Variants in SEZ6L observed in about 807,000 individuals in gnomAD.
The protein encoded by SEZ6L is seizure related 6 homolog like.
SEZ6L carries 37 observed loss-of-function variants against 106.2 expected under a neutral mutation model. That is an observed-to-expected ratio of 0.35 (90% CI 0.27 to 0.46). SEZ6L has a LOEUF of 0.46. SEZ6L is among the 20% of genes least tolerant of loss of function. The probability of loss-of-function intolerance (pLI) is 1.00; values close to 1 mark genes in which losing one functional copy is unlikely to be tolerated. For missense variants in SEZ6L, 1,172 were observed against 1,332.8 expected, an observed-to-expected ratio of 0.88 and a Z score of 1.88; for synonymous variants, 541 against 570.4, an observed-to-expected ratio of 0.95 and a Z score of 0.73.
chr22:26,190,242 A>G (rs2145653836), intron 1 of SEZ6L, among the ~76,000 whole-genome samples: 1 of 152,350 alleles, frequency 6.6e-6, no homozygotes, highest in East Asian at 1.9e-4. Context: ...GTTACCACGA[A>G]ACAAATTTTC....
intron 1 of SEZ6L, among the ~76,000 whole-genome samples, chr22:26,254,253 G>A (rs1006962642): frequency 6.6e-6 from 1 of 152,042 alleles, no homozygotes; most frequent in Non-Finnish European, 1.5e-5. Flanking sequence ...TTCATTCCAG[G>A]GAATTTCTGC....
intron 9 of SEZ6L, among the ~76,000 whole-genome samples, chr22:26,314,638 G>A (rs190265848): frequency 6.6e-5 from 10 of 152,316 alleles, no homozygotes; most frequent in South Asian, 4.1e-4. Context: ...TTAGCTGTGC[G>A]GCTGGGTTTC....
chr22:26,241,572 C>G (rs561081215), intron 1 of SEZ6L, among the ~76,000 whole-genome samples: 1 of 152,290 alleles, frequency 6.6e-6, no homozygotes, highest in South Asian at 2.1e-4. Context: ...AGCAATTACA[C>G]GGCGAGTTTT....
chr22:26,296,691 C>G (rs2081310334), intron 3 of SEZ6L, among the ~76,000 whole-genome samples, 197 bp from the exon 4 acceptor site: 1 of 152,246 alleles, frequency 6.6e-6, no homozygotes, highest in Admixed American at 6.5e-5. Context: ...TTCACTCTAT[C>G]CCCTTGGCTT....
At chr22:26,262,420 G>A (rs1019081670) in intron 1 of SEZ6L, among the ~76,000 whole-genome samples, 1 of 152,136 alleles carries the variant, frequency 6.6e-6, no homozygotes, top group African/African-American at 2.4e-5. Flanking sequence ...TATTAATCCA[G>A]ATGTGATTAG....
chr22:26,285,629 G>T (rs747695599), intron 1 of SEZ6L, among the ~76,000 whole-genome samples: 1 of 152,184 alleles, frequency 6.6e-6, no homozygotes. Flanking sequence ...TTTGCTGCTG[G>T]CATCTAGTGG....
intron 1 of SEZ6L, among the ~76,000 whole-genome samples, chr22:26,211,959 G>T (rs893257196): frequency 1.3e-5 from 2 of 152,010 alleles, no homozygotes; most frequent in African/African-American, 4.8e-5. Context: ...AGAGGAATAT[G>T]GGGGCCATTC....
Position 26,203,959 on chromosome 22 carries a change from T to C in SEZ6L, c.94+34196T>C, listed in dbSNP as rs143488966. 3.0e-3 allele frequency among the ~76,000 whole-genome samples: 457 copies of C among 152,210 alleles called. 1 individual carries two copies. Among genetic ancestry groups the C allele is most frequent in the Non-Finnish European group, 5.5e-3 (373 of 68,012 alleles). On this transcript the variant is annotated intron_variant, in intron 1 of 16. Transcript: ENST00000248933. The stretch of plus-strand genomic sequence containing the variant: ...CCCTACATTTGATGAGGCAAGAGGG[T>C]TGTTACTGCCATGGCTTTGAATGGG...
intron 13 of SEZ6L, among the ~76,000 whole-genome samples, chr22:26,367,412 T>C (rs967955861): frequency 9.9e-5 from 15 of 152,098 alleles, no homozygotes; most frequent in Non-Finnish European, 1.8e-4. Flanking sequence ...GGCGTGATCA[T>C]TACTCACTGC....
chr22:26,307,072 C>T (rs780842267), intron 6 of SEZ6L, among the ~76,000 whole-genome samples: 2 of 152,122 alleles, frequency 1.3e-5, no homozygotes, highest in Non-Finnish European at 2.9e-5. Flanking sequence ...CTGGGAAAAC[C>T]GGGATTCTGT....
chr22:26,292,246 AAAAG>A lies in SEZ6L; in HGVS notation c.95-155_95-152del, dbSNP rs373860342. 6.0e-4 allele frequency: 352 copies of A among 585,356 alleles called. 1 individual carries two copies. Among genetic ancestry groups the A allele is most frequent in the African/African-American group, 5.9e-3 (318 of 53,606 alleles). The allele number at this position is 585,356 out of a possible 1,614,324, so 36.3% of individuals were successfully genotyped here. On this transcript the variant is annotated intron_variant, in intron 1 of 16. Transcript: ENST00000248933. ...AGAGGGAGAGAGGGAAGGAGGAGAA[AAAAG>A]AAAGGAAGGGAGGGAGGGAGAAAGG...
intron 11 of SEZ6L, among the ~76,000 whole-genome samples, chr22:26,348,651 A>G (rs2083125883): frequency 3.3e-5 from 1 of 30,760 alleles, no homozygotes; most frequent in Non-Finnish European, 6.9e-5. Flanking sequence ...AAAGAAAAAG[A>G]AAGAAAGAAA....
At chr22:26,245,443 G>A (rs921886670) in intron 1 of SEZ6L, among the ~76,000 whole-genome samples, 3 of 152,100 alleles carry the variant, frequency 2.0e-5, no homozygotes, top group Admixed American at 1.3e-4. Flanking sequence ...CCCTCCTCTA[G>A]GGAGGGACTC....
intron 6 of SEZ6L, among the ~76,000 whole-genome samples, chr22:26,309,447 T>G (rs2081744111): frequency 6.6e-6 from 1 of 152,180 alleles, no homozygotes; most frequent in South Asian, 2.1e-4. Context: ...TTAATGTAAA[T>G]CCAGATGGGG....
chr22:26,333,241 A>C, intron 9 of SEZ6L, among the ~76,000 whole-genome samples: 1 of 152,234 alleles, frequency 6.6e-6, no homozygotes, highest in Non-Finnish European at 1.5e-5. Context: ...CAAGCTGGAC[A>C]AGCCAGCGGG....
At chr22:26,292,153 G>A (rs1175087887) in intron 1 of SEZ6L, 1 of 423,058 alleles carries the variant, frequency 2.4e-6, no homozygotes, top group Non-Finnish European at 4.2e-6. Flanking sequence ...AGAAAGGAAG[G>A]AAGGAAGGAA....
At chr22:26,304,376 GAAAGA>G (rs1220082197) in intron 5 of SEZ6L, among the ~76,000 whole-genome samples, 7 of 65,910 alleles carry the variant, frequency 1.1e-4, no homozygotes, top group South Asian at 4.1e-4. Flanking sequence ...AAAGAAGAAA[GAAAGA>G]AAGAAAGAAA....
chr22:26,345,408 T>G (rs2082974680), intron 10 of SEZ6L, among the ~76,000 whole-genome samples: 1 of 152,146 alleles, frequency 6.6e-6, no homozygotes, highest in Admixed American at 6.5e-5. Flanking sequence ...TGGCCCATAT[T>G]GAAGTCAGAC....
chr22:26,219,562 CA>C (rs1252395924), intron 1 of SEZ6L, among the ~76,000 whole-genome samples: 4 of 152,066 alleles, frequency 2.6e-5, no homozygotes, highest in Non-Finnish European at 5.9e-5. Context: ...CTACACAAGC[CA>C]GTAAATTAAC....
Sources: allele counts gnomAD v4.1 joint callset (sites outside exome capture counted in the v4.1 genomes callset), GRCh38; gene constraint gnomAD v4.1.1; transcripts MANE v1.5; gene names NCBI Gene and HGNC (gene_info 2026-07-23, HGNC 2026-07-21).